Variants in RBFOX1 observed in about 807,000 individuals in gnomAD.
RBFOX1 encodes RNA binding protein fox-1 homolog 1.
Under a neutral mutation model 57.7 loss-of-function variants are expected in RBFOX1, and 8 were observed. That is an observed-to-expected ratio of 0.14 (90% CI 0.08 to 0.25). RBFOX1 has a LOEUF of 0.25. RBFOX1 is among the 10% of genes least tolerant of loss of function. The pLI is 1.00. For synonymous variants in RBFOX1, 326 were observed against 222.4 expected (o/e 1.47, Z -4.15); for missense variants, 611 against 548.5 (o/e 1.11, Z -1.14).
intron 13 of RBFOX1, among the ~76,000 whole-genome samples, chr16:7,670,607 A>T (rs1252101828): frequency 2.0e-5 from 3 of 152,178 alleles, no homozygotes; most frequent in African/African-American, 7.2e-5. Flanking sequence ...TAGGAGCGAA[A>T]GGAGGAGAGA....
At chr16:5,987,717 C>T (rs2060309830) in intron 4 of RBFOX1, among the ~76,000 whole-genome samples, 1 of 152,136 alleles carries the variant, frequency 6.6e-6, no homozygotes, top group Non-Finnish European at 1.5e-5. Context: ...CCATCTCCAG[C>T]TCTCTTTTTT....
chr16:6,543,729 C>G (rs1230030308), intron 2 of RBFOX1, among the ~76,000 whole-genome samples: 5 of 152,012 alleles, frequency 3.3e-5, no homozygotes, highest in African/African-American at 9.6e-5. Context: ...AGGTTCACAC[C>G]GAAGCATCTT....
At chr16:6,910,962 A>G (rs1199416766) in intron 3 of RBFOX1, among the ~76,000 whole-genome samples, 1 of 152,116 alleles carries the variant, frequency 6.6e-6, no homozygotes, top group East Asian at 1.9e-4. Flanking sequence ...GCACTTTGGG[A>G]GGCCGAGACA....
intron 3 of RBFOX1, chr16:6,703,903 C>A (rs2062262251): frequency 6.6e-6 from 1 of 152,286 alleles, no homozygotes; most frequent in East Asian, 1.9e-4. Flanking sequence ...GCAGACTCCT[C>A]CTATCTCATA....
At chr16:6,369,901 A>G (rs8044381) in intron 2 of RBFOX1, among the ~76,000 whole-genome samples, 8,276 of 152,160 alleles carry the variant, frequency 0.054, 746 homozygotes, top group African/African-American at 0.19. Flanking sequence ...TTGTTTTCCA[A>G]TTTCATCAAT....
At chr16:7,365,204 C>T (rs1333079686) in intron 4 of RBFOX1, among the ~76,000 whole-genome samples, 2 of 152,104 alleles carry the variant, frequency 1.3e-5, no homozygotes, top group African/African-American at 4.8e-5. Flanking sequence ...CCATAAACAT[C>T]TTTGTGAGAT....
intron 3 of RBFOX1, among the ~76,000 whole-genome samples, chr16:5,760,235 C>T (rs1328414628): frequency 6.6e-6 from 1 of 152,042 alleles, no homozygotes; most frequent in Non-Finnish European, 1.5e-5. Flanking sequence ...TCTATGGTCC[C>T]AGGCAAACAG....
intron 3 of RBFOX1, among the ~76,000 whole-genome samples, chr16:6,813,598 C>A (rs1385218211): frequency 6.6e-6 from 1 of 152,206 alleles, no homozygotes; most frequent in Non-Finnish European, 1.5e-5. Flanking sequence ...AAACCTCTCT[C>A]TCCACAGGTG....
intron 4 of RBFOX1, among the ~76,000 whole-genome samples, chr16:7,230,449 A>T (rs2093432722): frequency 6.6e-6 from 1 of 152,098 alleles, no homozygotes; most frequent in Non-Finnish European, 1.5e-5. Flanking sequence ...AGATTTTGAG[A>T]TGTAGATCAG....
intron 3 of RBFOX1, among the ~76,000 whole-genome samples, chr16:6,714,819 C>A (rs2064446902): frequency 6.6e-6 from 1 of 152,102 alleles, no homozygotes; most frequent in Non-Finnish European, 1.5e-5. Context: ...CTTTGAACCA[C>A]CTGTGCTACA....
At chr16:6,792,044 A>G (rs984747853) in intron 3 of RBFOX1, among the ~76,000 whole-genome samples, 1 of 152,164 alleles carries the variant, frequency 6.6e-6, no homozygotes, top group Non-Finnish European at 1.5e-5. Context: ...TTTACCCTGA[A>G]TTGCGTTTCA....
chr16:5,469,368 T>C (rs183476717), intron 2 of RBFOX1, among the ~76,000 whole-genome samples: 96 of 152,284 alleles, frequency 6.3e-4, no homozygotes, highest in Admixed American at 3.4e-3. Flanking sequence ...AAGCATCTAA[T>C]GAAGTGTTTG....
At chr16:7,661,996 A>T (rs1020814371) in intron 12 of RBFOX1, among the ~76,000 whole-genome samples, 4 of 150,744 alleles carry the variant, frequency 2.7e-5, no homozygotes, top group Non-Finnish European at 5.9e-5. Context: ...GGAGGCACAA[A>T]ACTGGCCATG....
At chr16:6,366,747 C>G (rs1301769147) in intron 2 of RBFOX1, among the ~76,000 whole-genome samples, 1 of 152,192 alleles carries the variant, frequency 6.6e-6, no homozygotes, top group East Asian at 1.9e-4. Context: ...TCACAGTAAG[C>G]TGAAATGACA....
intron 5 of RBFOX1, among the ~76,000 whole-genome samples, chr16:7,539,246 G>A (rs989263058): frequency 3.9e-5 from 6 of 152,144 alleles, no homozygotes; most frequent in African/African-American, 1.4e-4. Context: ...AGGGACATGA[G>A]ATCAGGGAAG....
At chr16:5,676,142 C>G (rs1329897269) in intron 3 of RBFOX1, among the ~76,000 whole-genome samples, 2 of 151,968 alleles carry the variant, frequency 1.3e-5, no homozygotes, top group African/African-American at 4.8e-5. Flanking sequence ...CTAATTCAAG[C>G]AGGGCTTAAA....
chr16:5,716,870 C>A (rs12927613), intron 3 of RBFOX1, among the ~76,000 whole-genome samples: 82,478 of 152,042 alleles, frequency 0.54, 25,965 homozygotes, highest in Non-Finnish European at 0.72. Context: ...CAGGACTCTG[C>A]CCCTAAAATG....
Position 6,063,532 on chromosome 16 carries a change from T to C in RBFOX1, c.-127+43540T>C, listed in dbSNP as rs1049839862. ...CCCCTTATATTTTTCCCCTAGTACC[T>C]TCCTCACTGATCATATTGTTCTGTT... On this transcript the variant is annotated intron_variant, in intron 1 of 15. Transcript: ENST00000550418. Among the ~76,000 whole-genome samples the C allele has an allele frequency of 2.7e-5, 4 of 150,906 alleles. 1 individual carries two copies. The highest frequency in any genetic ancestry group is 2.0e-4 in the Admixed American group (3 of 15,144).
intron 1 of RBFOX1, among the ~76,000 whole-genome samples, chr16:6,292,263 A>G (rs1443921670): frequency 6.6e-6 from 1 of 152,112 alleles, no homozygotes; most frequent in Non-Finnish European, 1.5e-5. Context: ...CCATCTCTAA[A>G]AATAAAATAG....
Sources: gnomAD v4.1 joint callset for allele counts (sites outside exome capture counted in the v4.1 genomes callset) on GRCh38, gnomAD v4.1.1 for gene constraint, MANE v1.5 for transcripts, NCBI Gene and HGNC (gene_info 2026-07-23, HGNC 2026-07-21) for gene names.